The following GRIN2B variants were observed in gnomAD, a reference collection of about 807,000 sequenced individuals.
GRIN2B encodes the protein glutamate receptor ionotropic, NMDA 2B.
A neutral mutation model predicts 114.5 loss-of-function variants in GRIN2B; 5 were observed. The observed-to-expected ratio is 0.04, with a 90% confidence interval of 0.02 to 0.09. The LOEUF is 0.09. Among genes scored for constraint, GRIN2B ranks in the 10% least tolerant of loss-of-function variants. The pLI, the probability that GRIN2B is intolerant of heterozygous loss-of-function variation, is 1.00. For synonymous variants in GRIN2B, 787 were observed against 745.1 expected (o/e 1.06, Z -0.92); for missense variants, 1,108 against 1,943.5 (o/e 0.57, Z 8.08).
intron 2 of GRIN2B, among the ~76,000 whole-genome samples, chr12:13,956,522 T>C (rs530732019): frequency 6.6e-6 from 1 of 152,342 alleles, no homozygotes; most frequent in South Asian, 2.1e-4. Context: ...CATTCTGTTC[T>C]ATAAGCCTCT....
intron 8 of GRIN2B, among the ~76,000 whole-genome samples, chr12:13,612,161 C>CTTCTTGTG (rs1949373906): frequency 6.6e-6 from 1 of 152,200 alleles, no homozygotes; most frequent in Non-Finnish European, 1.5e-5. Context: ...GAAGCACTAG[C>CTTCTTGTG]TATGAAGTGA....
chr12:13,740,406 C>G (rs1389082184), intron 4 of GRIN2B, among the ~76,000 whole-genome samples: 2 of 152,030 alleles, frequency 1.3e-5, no homozygotes, highest in African/African-American at 4.8e-5. Flanking sequence ...ATGTGTCACT[C>G]AGTGAATTAA....
rs182402103 is a variant in GRIN2B at position 13,848,039 on chromosome 12, C to T, written c.411+17759G>A. ...CCTGCTCAGCTGAGGACAACTGACA[C>T]CCTCCTCAAGCAGCTCCCCTTCAGG... On this transcript the variant is annotated intron_variant, in intron 3 of 13. Transcript: ENST00000609686. 5.9e-5 allele frequency among the ~76,000 whole-genome samples: 9 copies of T among 152,246 alleles called. No homozygotes were observed. In the East Asian group the frequency reaches 1.7e-3, roughly 29 times the overall value.
chr12:13,703,819 G>T (rs767570189), intron 4 of GRIN2B, among the ~76,000 whole-genome samples: 5 of 152,090 alleles, frequency 3.3e-5, no homozygotes, highest in African/African-American at 4.8e-5. Context: ...ATTCCCAACT[G>T]CCTCTTCCCA....
chr12:13,771,649 A>T (rs2268124), intron 3 of GRIN2B, among the ~76,000 whole-genome samples: 8,001 of 152,334 alleles, frequency 0.053, 337 homozygotes, highest in East Asian at 0.2. Flanking sequence ...TAAATGAAAC[A>T]CTACATAAGA....
At chr12:13,646,338 C>A (rs1949761562) in intron 5 of GRIN2B, among the ~76,000 whole-genome samples, 2 of 152,132 alleles carry the variant, frequency 1.3e-5, no homozygotes, top group Admixed American at 1.3e-4. Context: ...TAGTGTGTCT[C>A]CCATATACAG....
At chr12:13,898,886 C>T (rs1232619428) in intron 2 of GRIN2B, among the ~76,000 whole-genome samples, 2 of 152,174 alleles carry the variant, frequency 1.3e-5, no homozygotes, top group Admixed American at 6.5e-5. Context: ...ACTCCGTGGG[C>T]AACAAGAGCA....
chr12:13,611,899 G>T (rs375099257), intron 8 of GRIN2B, 49 bp from the exon 9 acceptor site: 21 of 1,589,786 alleles, frequency 1.3e-5, no homozygotes, highest in African/African-American at 5.4e-5. Context: ...GAGAGCAAAA[G>T]AATTCGAATT....
At chr12:13,569,159 C>T (rs1347473982) in intron 12 of GRIN2B, among the ~76,000 whole-genome samples, 1 of 152,152 alleles carries the variant, frequency 6.6e-6, no homozygotes, top group African/African-American at 2.4e-5. Context: ...AGAAAAAGAC[C>T]TCCTTGACAA....
chr12:13,783,447 G>GTTTTGTTTTGTTTTA (rs1254217873), intron 3 of GRIN2B, among the ~76,000 whole-genome samples: 2 of 152,152 alleles, frequency 1.3e-5, no homozygotes, highest in African/African-American at 2.4e-5. Flanking sequence ...GTTTTGTTTT[G>GTTTTGTTTTGTTTTA]TTTTGTTTTT....
At chr12:13,814,925 C>A (rs1448589944) in intron 3 of GRIN2B, among the ~76,000 whole-genome samples, 2 of 152,016 alleles carry the variant, frequency 1.3e-5, no homozygotes, top group Non-Finnish European at 2.9e-5. Flanking sequence ...ATGTTATTTT[C>A]AACTCTTCCC....
intron 3 of GRIN2B, among the ~76,000 whole-genome samples, chr12:13,852,873 G>T (rs1865595632): frequency 6.6e-6 from 1 of 151,916 alleles, no homozygotes; most frequent in Non-Finnish European, 1.5e-5. Context: ...CACCCAGAAT[G>T]AATAAAAAAA....
intron 5 of GRIN2B, among the ~76,000 whole-genome samples, chr12:13,650,603 C>T (rs1223324029): frequency 2.6e-5 from 4 of 152,150 alleles, no homozygotes; most frequent in East Asian, 3.9e-4. Flanking sequence ...CATCAATTGG[C>T]AAATGGGGGA....
intron 10 of GRIN2B, among the ~76,000 whole-genome samples, chr12:13,602,350 C>G (rs1364915233): frequency 6.6e-6 from 1 of 152,216 alleles, no homozygotes; most frequent in Non-Finnish European, 1.5e-5. Context: ...GCTAGTTGGT[C>G]ATGACTGCTA....
At chr12:13,690,233 C>T (rs12819919) in intron 4 of GRIN2B, among the ~76,000 whole-genome samples, 1 of 151,884 alleles carries the variant, frequency 6.6e-6, no homozygotes, top group African/African-American at 2.4e-5. Context: ...TTGAAATCCT[C>T]CCATGCTACT....
intron 5 of GRIN2B, among the ~76,000 whole-genome samples, chr12:13,633,200 G>A (rs1449675065): frequency 6.6e-6 from 1 of 152,214 alleles, no homozygotes; most frequent in Non-Finnish European, 1.5e-5. Flanking sequence ...GAATGAGGTT[G>A]AGGGGTTTAG....
chr12:13,852,394 G>A (rs1246747807), intron 3 of GRIN2B, among the ~76,000 whole-genome samples: 1 of 152,186 alleles, frequency 6.6e-6, no homozygotes, highest in Non-Finnish European at 1.5e-5. Context: ...TTAGAGGAAA[G>A]CCAATTATAA....
intron 4 of GRIN2B, among the ~76,000 whole-genome samples, chr12:13,699,491 A>C (rs1950291203): frequency 6.6e-6 from 1 of 152,218 alleles, no homozygotes; most frequent in Non-Finnish European, 1.5e-5. Context: ...TTGGCAAAGG[A>C]AACTTGTCTG....
At chr12:13,711,929 G>A (rs1039058724) in intron 4 of GRIN2B, among the ~76,000 whole-genome samples, 7 of 152,068 alleles carry the variant, frequency 4.6e-5, no homozygotes, top group African/African-American at 1.7e-4. Context: ...ACATGCACAT[G>A]TATGTTTACT....
Sources: gnomAD v4.1 joint callset for allele counts (sites outside exome capture counted in the v4.1 genomes callset) on GRCh38, gnomAD v4.1.1 for gene constraint, MANE v1.5 for transcripts, NCBI Gene and HGNC (gene_info 2026-07-23, HGNC 2026-07-21) for gene names.